The following PAK2 variants were observed in gnomAD, a reference collection of about 807,000 sequenced individuals.
The protein encoded by PAK2 is p21 (RAC1) activated kinase 2.
A neutral mutation model predicts 65.9 loss-of-function variants in PAK2; 21 were observed. The observed-to-expected ratio is 0.32, with a 90% CI of 0.23 to 0.46. PAK2 has a LOEUF of 0.46. Ranked by LOEUF, PAK2 falls within the 20% of genes least tolerant of loss-of-function variation. The pLI is 1.00. For missense variants in PAK2, 324 were observed against 642.6 expected (o/e 0.50, Z 5.36); for synonymous variants, 204 against 219.7 (o/e 0.93, Z 0.63).
rs369887810 is a variant in PAK2 at position 196,766,338 on chromosome 3, G to C, written c.-21-16288G>C. 5.9e-5 allele frequency among the ~76,000 whole-genome samples: 9 copies of C among 152,188 alleles called. No individual in the cohort carries two copies. In the South Asian group the frequency reaches 1.9e-3, roughly 32 times the overall value. On this transcript the variant is annotated intron_variant, in intron 1 of 14. Coordinates refer to ENST00000327134, the MANE Select transcript of PAK2 (RefSeq NM_002577.4). ...TATAAATAATAGAGCTAATAACCCG[G>C]TCATAATCTGGTTAATGAGTGTTTG...
chr3:196,742,178 TC>T (rs1174150094), intron 1 of PAK2, among the ~76,000 whole-genome samples: 4 of 143,564 alleles, frequency 2.8e-5, no homozygotes, highest in Non-Finnish European at 4.5e-5. Context: ...AACCTCCGCC[TC>T]CTGGGTTCAA....
At chr3:196,821,739 T>C (rs1711661618) in intron 13 of PAK2, among the ~76,000 whole-genome samples, 1 of 152,124 alleles carries the variant, frequency 6.6e-6, no homozygotes, top group African/African-American at 2.4e-5. Flanking sequence ...ATCTCGTTCA[T>C]TGCAAAATAT....
At chr3:196,805,903 T>C (rs1157240745) in intron 5 of PAK2, among the ~76,000 whole-genome samples, 1 of 150,706 alleles carries the variant, frequency 6.6e-6, no homozygotes, top group African/African-American at 2.4e-5. Context: ...ATTTTATTTA[T>C]TTATTTATTT....
intron 1 of PAK2, among the ~76,000 whole-genome samples, chr3:196,759,489 G>GTTTTTTTTGTTTTTTTT (rs1713878319): frequency 2.0e-5 from 2 of 98,854 alleles, no homozygotes; most frequent in South Asian, 3.5e-4. Flanking sequence ...CAGTTAAGTG[G>GTTTTTTTTGTTTTTTTT]TTTTTTTTGT....
chr3:196,766,147 G>A (rs957607170), intron 1 of PAK2, among the ~76,000 whole-genome samples: 8 of 151,938 alleles, frequency 5.3e-5, no homozygotes, highest in Non-Finnish European at 1.2e-4. Context: ...CGCCCGCCTC[G>A]ACCTCCCAAA....
intron 2 of PAK2, among the ~76,000 whole-genome samples, chr3:196,800,781 G>T (rs1274581779): frequency 6.6e-6 from 1 of 152,120 alleles, no homozygotes; most frequent in East Asian, 1.9e-4. Context: ...AATGCTGAGG[G>T]TTCCAACTTA....
intron 12 of PAK2, 119 bp downstream of exon 12, chr3:196,818,275 A>G (rs1711535649): frequency 3.7e-6 from 2 of 539,668 alleles, no homozygotes; most frequent in Non-Finnish European, 6.7e-6. Flanking sequence ...AAGAGGTGAG[A>G]CCTTTGAAAA....
intron 7 of PAK2, among the ~76,000 whole-genome samples, chr3:196,809,070 C>T (rs1418920005): frequency 1.3e-5 from 2 of 150,430 alleles, no homozygotes; most frequent in African/African-American, 4.9e-5. Flanking sequence ...CCGACTCCAC[C>T]CCCTCAAAAA....
intron 11 of PAK2, among the ~76,000 whole-genome samples, chr3:196,815,080 T>C (rs1195730646): frequency 6.6e-6 from 1 of 151,784 alleles, no homozygotes; most frequent in East Asian, 1.9e-4. Flanking sequence ...CTCAGGAGGC[T>C]GAAGCAGGAG....
intron 2 of PAK2, among the ~76,000 whole-genome samples, chr3:196,789,792 G>C (rs4916549): frequency 0.29 from 43,291 of 151,422 alleles, 6,920 homozygotes; most frequent in African/African-American, 0.43. Flanking sequence ...TGGGGCTGAC[G>C]GGGGGGTGGT....
At chr3:196,802,853 G>GA (rs1212028989) in intron 3 of PAK2, among the ~76,000 whole-genome samples, 164 bp from the exon 4 acceptor site, 1 of 151,304 alleles carries the variant, frequency 6.6e-6, no homozygotes, top group Non-Finnish European at 1.5e-5. Flanking sequence ...CTCAAAAAAA[G>GA]AAAAAAGAAA....
intron 1 of PAK2, among the ~76,000 whole-genome samples, chr3:196,742,207 G>A (rs1488414801): frequency 4.0e-5 from 6 of 149,564 alleles, no homozygotes; most frequent in African/African-American, 1.5e-4. Flanking sequence ...TCCTGTCTCA[G>A]CCTGCTGAGT....
At chr3:196,803,895 A>G (rs1715497482) in intron 4 of PAK2, among the ~76,000 whole-genome samples, 1 of 152,156 alleles carries the variant, frequency 6.6e-6, no homozygotes, top group South Asian at 2.1e-4. Flanking sequence ...TGGATTTTTA[A>G]AAATAGTTTT....
intron 1 of PAK2, among the ~76,000 whole-genome samples, chr3:196,743,494 CGTTA>C (rs1713274785): frequency 6.6e-6 from 1 of 152,062 alleles, no homozygotes; most frequent in Non-Finnish European, 1.5e-5. Context: ...TCTTAATAAA[CGTTA>C]GTTAATAGTC....
intron 2 of PAK2, among the ~76,000 whole-genome samples, chr3:196,796,590 A>C (rs1386474357): frequency 6.6e-6 from 1 of 152,244 alleles, no homozygotes; most frequent in Non-Finnish European, 1.5e-5. Context: ...TAGTATATGA[A>C]GAGTTCTAGC....
chr3:196,781,879 G>A (rs930831517), intron 1 of PAK2, among the ~76,000 whole-genome samples: 21 of 152,282 alleles, frequency 1.4e-4, no homozygotes, highest in South Asian at 2.1e-4. Context: ...CAAGGTGGGC[G>A]GATCACCTGA....
intron 2 of PAK2, among the ~76,000 whole-genome samples, chr3:196,786,140 T>C (rs1191154532): frequency 1.3e-5 from 2 of 151,894 alleles, no homozygotes; most frequent in African/African-American, 2.4e-5. Flanking sequence ...GTTATTAATT[T>C]GATATGGTGG....
chr3:196,790,058 A>T (rs542133520), intron 2 of PAK2, among the ~76,000 whole-genome samples: 1 of 152,294 alleles, frequency 6.6e-6, no homozygotes, highest in Admixed American at 6.5e-5. Context: ...GGCTGGGGAC[A>T]CCTTTCCTAG....
intron 2 of PAK2, among the ~76,000 whole-genome samples, chr3:196,800,669 A>G (rs1715398419): frequency 6.6e-6 from 1 of 152,224 alleles, no homozygotes; most frequent in East Asian, 1.9e-4. Context: ...AACAGAGCAG[A>G]GCCTTCAGAG....
Sources: allele counts gnomAD v4.1 joint callset (sites outside exome capture counted in the v4.1 genomes callset), GRCh38; gene constraint gnomAD v4.1.1; transcripts MANE v1.5; gene names NCBI Gene and HGNC (gene_info 2026-07-23, HGNC 2026-07-21).